Variants in TRPV2 observed in about 807,000 individuals in gnomAD.
TRPV2 encodes transient receptor potential cation channel subfamily V member 2, also known as OTRPC2.
Under a neutral mutation model 91.0 loss-of-function variants are expected in TRPV2, and 58 were observed. The observed-to-expected ratio is 0.64, with a 90% CI of 0.52 to 0.79. The LOEUF (loss-of-function observed/expected upper bound fraction) is 0.79, where lower values mean the gene tolerates loss of function less well. Among genes scored for constraint, TRPV2 ranks in the 30% least tolerant of loss-of-function variants. The pLI is 0.00. For synonymous variants in TRPV2, 417 were observed against 414.8 expected (o/e 1.01, Z -0.06); for missense variants, 807 against 969.6 (o/e 0.83, Z 2.23).
intron 5 of TRPV2, among the ~76,000 whole-genome samples, chr17:16,424,401 C>T (rs2093373233): frequency 6.6e-6 from 1 of 151,778 alleles, no homozygotes. Flanking sequence ...ACCTCGTGAT[C>T]CACCCGCTTC....
At chr17:16,418,586 G>A (rs1445514828) in intron 2 of TRPV2, among the ~76,000 whole-genome samples, 3 of 152,086 alleles carry the variant, frequency 2.0e-5, no homozygotes, top group Non-Finnish European at 4.4e-5. Context: ...GGCTAGAGCT[G>A]CTTCCTGTTT....
In TRPV2 at chr17:16,417,616, A is replaced by G. The variant is rs2093337038; in HGVS notation, c.-53A>G. 1.9e-6 allele frequency: 3 copies of G among 1,587,494 alleles called. No homozygotes were observed. The highest frequency in any genetic ancestry group is 2.6e-6 in the Non-Finnish European group (3 of 1,157,886). ...CTGGGAGGAAGACAGGACCCTTGAC[A>G]TCTCCATCTGCACAGAGGTCCTGGC... On this transcript the variant is annotated 5_prime_UTR_variant, in exon 2 of 15. Transcript: ENST00000338560.
intron 1 of TRPV2, among the ~76,000 whole-genome samples, chr17:16,417,045 G>A (rs78576572): frequency 4.8e-4 from 73 of 152,182 alleles, no homozygotes; most frequent in African/African-American, 1.6e-3. Context: ...GACAGTCATG[G>A]CTCTTCCTGG....
chr17:16,425,745 C>T (rs1315392770), intron 5 of TRPV2, among the ~76,000 whole-genome samples: 1 of 152,124 alleles, frequency 6.6e-6, no homozygotes, highest in Non-Finnish European at 1.5e-5. Flanking sequence ...ATTCTAGATT[C>T]TGACCGCGAA....
intron 3 of TRPV2, among the ~76,000 whole-genome samples, chr17:16,421,362 A>G (rs577834583): frequency 1.5e-4 from 22 of 150,246 alleles, no homozygotes; most frequent in African/African-American, 5.4e-4. Context: ...GATTACAGGC[A>G]CCAGCCACCA....
chr17:16,431,289 A>ATTT (rs1491306214), intron 10 of TRPV2, among the ~76,000 whole-genome samples: 5 of 16,104 alleles, frequency 3.1e-4, no homozygotes, highest in African/African-American at 4.1e-4. Context: ...ATATATATAC[A>ATTT]TATTTTTTTT....
chr17:16,434,233 C>T lies in TRPV2; in HGVS notation c.2114+535C>T, dbSNP rs1217595122. Among the ~76,000 whole-genome samples, 3 of 152,162 alleles carry T rather than the reference C, an allele frequency of 2.0e-5. No homozygotes were observed. The East Asian group carries it at 5.8e-4, about 29-fold the overall frequency. On this transcript the variant is annotated intron_variant, in intron 13 of 14. Transcript: ENST00000338560. ...CCTGTAATCCCAGCACTTTGGGAGG[C>T]CGAGGCGGGCAAATCACGAGGTCAG...
intron 12 of TRPV2, 118 bp downstream of exon 12, chr17:16,432,418 A>C (rs1600990122): frequency 8.8e-6 from 7 of 793,328 alleles, no homozygotes; most frequent in African/African-American, 1.8e-5. Context: ...GGGCAGCTCT[A>C]CCTTGTCAGT....
rs755825543 is a variant in TRPV2, at chr17:16,417,802, G to C, written c.134G>C (p.Gly45Ala). The change falls in exon 2 of 15, where the codon GGC (glycine) becomes GCC (alanine). Residue 45 changes from glycine to alanine, a missense_variant. Gly to Ala is a moderately conservative substitution (Grantham distance 60). Transcript: ENST00000338560. Reference protein sequence around the residue: ...GLPPMESQFQGEDRKFAPQIR... With the variant: ...GLPPMESQFQAEDRKFAPQIR... ...CCTCCCATGGAGTCACAGTTCCAGG[G>C]CGAGGACCGGAAATTCGCCCCTCAG... The C allele has an allele frequency of 6.2e-7, 1 of 1,614,208 alleles. No homozygotes were observed. The highest frequency in any genetic ancestry group is 1.3e-5 in the African/African-American group (1 of 75,052).
At chr17:16,418,412 C>G (rs1224034150) in intron 2 of TRPV2, among the ~76,000 whole-genome samples, 1 of 152,146 alleles carries the variant, frequency 6.6e-6, no homozygotes, top group Non-Finnish European at 1.5e-5. Flanking sequence ...TCCTGAGAGT[C>G]CCACTTCCAG....
chr17:16,419,255 G>A (rs2093345184), intron 2 of TRPV2: 2 of 466,026 alleles, frequency 4.3e-6, no homozygotes. Flanking sequence ...AATGACTCAT[G>A]CCCTTCCCAC....
chr17:16,433,535 G>T, intron 12 of TRPV2, 39 bp from the exon 13 acceptor site: 1 of 1,608,340 alleles, frequency 6.2e-7, no homozygotes, highest in South Asian at 1.1e-5. Context: ...CCCAGGCAGG[G>T]TCCCAGGACG....
In TRPV2 at chr17:16,431,993, G is replaced by A; in HGVS notation, c.1682G>A (p.Trp561Ter). Reference sequence around the variant, plus strand: ...CTGGTGAGCCTGAGCCAGGAGGCTTGGCGCCCCGAAGCTCCTACAGGCCCC... The same window carrying A: ...CTGGTGAGCCTGAGCCAGGAGGCTTAGCGCCCCGAAGCTCCTACAGGCCCC... Reference protein sequence around the residue: ...VALVSLSQEAWRPEAPTGPNA... With the variant: ...VALVSLSQEA The change falls in exon 12 of 15, where the codon TGG (tryptophan) becomes TAG (stop). Residue 561 changes from tryptophan (W) to a stop codon, truncating the protein, a stop_gained. Coordinates refer to ENST00000338560, the MANE Select transcript of TRPV2 (RefSeq NM_016113.5). LOFTEE classifies it high-confidence loss of function. The A allele has an allele frequency of 6.2e-7, 1 of 1,605,712 alleles. No homozygotes were observed. The highest frequency in any genetic ancestry group is 8.5e-7 in the Non-Finnish European group (1 of 1,174,254).
chr17:16,422,717 G>A lies in TRPV2; in HGVS notation c.453G>A (p.Leu151=). The A allele has an allele frequency of 6.2e-7, 1 of 1,604,466 alleles. No homozygotes were observed. Among genetic ancestry groups the A allele is most frequent in the Non-Finnish European group, 8.5e-7 (1 of 1,174,952 alleles). The change falls in exon 4 of 15, where the codon CTG becomes CTA. Residue 151 remains leucine (L), a synonymous_variant. Transcript: ENST00000338560. The stretch of plus-strand genomic sequence containing the variant: ...GGGACTCTGGCAATCCTCAGCCCCT[G>A]GTAAATGCCCAGTGCACAGATGACT... ...IDRDSGNPQP[L]VNAQCTDDYY... is the part of the protein sequence containing the mutation.
intron 13 of TRPV2, among the ~76,000 whole-genome samples, chr17:16,434,392 T>C (rs1018695105): frequency 9.3e-5 from 13 of 140,152 alleles, no homozygotes; most frequent in African/African-American, 2.7e-4. Flanking sequence ...GGCATGAACC[T>C]GGGAGGCGGA....
intron 9 of TRPV2, 92 bp from the exon 10 acceptor site, chr17:16,428,725 A>C: frequency 6.8e-7 from 1 of 1,465,452 alleles, no homozygotes; most frequent in South Asian, 1.2e-5. Flanking sequence ...GTCTTGCCTA[A>C]GATGGAGGTC....
intron 4 of TRPV2, 61 bp downstream of exon 4, chr17:16,422,950 A>G: frequency 6.6e-7 from 1 of 1,515,918 alleles, no homozygotes; most frequent in Non-Finnish European, 8.8e-7. Flanking sequence ...GTTCAAGGTC[A>G]CATGGTTAGT....
intron 13 of TRPV2, 78 bp downstream of exon 13, chr17:16,433,776 A>T (rs2093423770): frequency 1.3e-6 from 2 of 1,556,306 alleles, no homozygotes; most frequent in Admixed American, 1.8e-5. Context: ...TGCAGGGCAC[A>T]GCTGCCAGGA....
At chr17:16,427,605 G>T (rs12936240) in intron 8 of TRPV2, 58 bp downstream of exon 8, 374,758 of 1,516,886 alleles carry the variant, frequency 0.25, 50,245 homozygotes, top group Non-Finnish European at 0.28. Flanking sequence ...GCTTCAGGGG[G>T]CTTAGAGAAA....
Sources: gnomAD v4.1 joint callset for allele counts (sites outside exome capture counted in the v4.1 genomes callset) on GRCh38, gnomAD v4.1.1 for gene constraint, MANE v1.5 for transcripts, NCBI Gene and HGNC (gene_info 2026-07-23, HGNC 2026-07-21) for gene names.